Variants in PCDHA6 observed in about 807,000 individuals in gnomAD.
PCDHA6 encodes the protein protocadherin alpha-6.
PCDHA6 carries 55 observed loss-of-function variants against 60.3 expected under a neutral mutation model. That is an observed-to-expected ratio of 0.91 (90% CI 0.73 to 1.14). The LOEUF (loss-of-function observed/expected upper bound fraction) is 1.14. PCDHA6 is among the 50% of genes most tolerant of loss of function. The probability of loss-of-function intolerance (pLI) is 0.00; values close to 1 mark genes in which losing one functional copy is unlikely to be tolerated. For missense variants in PCDHA6, 1,327 were observed against 1,256.5 expected, an observed-to-expected ratio of 1.06 and a Z score of -0.85; for synonymous variants, 652 against 557.9, an observed-to-expected ratio of 1.17 and a Z score of -2.38.
At chr5:140,981,977 G>A (rs1321410399) in intron 2 of PCDHA6, among the ~76,000 whole-genome samples, 1 of 152,128 alleles carries the variant, frequency 6.6e-6, no homozygotes, top group African/African-American at 2.4e-5. Context: ...TATAGAAAGA[G>A]TAAAATAGAA....
chr5:140,832,938 T>C (rs1176338223), intron 1 of PCDHA6, among the ~76,000 whole-genome samples: 1 of 152,010 alleles, frequency 6.6e-6, no homozygotes, highest in Non-Finnish European at 1.5e-5. Context: ...GAGAAGAGAG[T>C]AACTTAAGTG....
intron 1 of PCDHA6, among the ~76,000 whole-genome samples, chr5:140,890,076 C>G (rs2062479072): frequency 6.6e-6 from 1 of 152,150 alleles, no homozygotes. Flanking sequence ...CTTATGAGAA[C>G]TGATAATGCA....
chr5:140,836,231 C>T, intron 1 of PCDHA6: 3 of 1,613,742 alleles, frequency 1.9e-6, no homozygotes, highest in East Asian at 2.2e-5. Flanking sequence ...CGGTGGCGGC[C>T]GGTGCGAGCA....
At chr5:140,945,641 C>T (rs1253716354) in intron 1 of PCDHA6, among the ~76,000 whole-genome samples, 3 of 151,972 alleles carry the variant, frequency 2.0e-5, no homozygotes, top group Non-Finnish European at 2.9e-5. Context: ...GACATGTAGA[C>T]CAATGGAGCA....
intron 1 of PCDHA6, among the ~76,000 whole-genome samples, chr5:140,947,404 T>G (rs1305199507): frequency 6.6e-6 from 1 of 151,736 alleles, no homozygotes; most frequent in Non-Finnish European, 1.5e-5. Flanking sequence ...GTAGACTGTC[T>G]TGATATTGTA....
chr5:140,911,055 G>A lies in PCDHA6; in HGVS notation c.2395-67894G>A, dbSNP rs576580251. The stretch of plus-strand genomic sequence containing the variant: ...CTAGAAGCAAACAGGGGTGGTGGGG[G>A]GTGGGTCCTGAGGAGAATCAACATT... On this transcript the variant is annotated intron_variant, in intron 1 of 3. Transcript: ENST00000529310. 5.3e-5 allele frequency among the ~76,000 whole-genome samples: 8 copies of A among 152,158 alleles called. 1 individual carries two copies. The highest frequency in any genetic ancestry group is 5.2e-4 in the Admixed American group (8 of 15,266).
intron 1 of PCDHA6, chr5:140,883,589 G>A (rs782300348): frequency 1.9e-6 from 3 of 1,614,014 alleles, no homozygotes; most frequent in East Asian, 2.2e-5. Context: ...CACGGCCAGC[G>A]TGTCGGTGGG....
rs2150159455 is a variant in PCDHA6 at position 140,828,832 on chromosome 5, C to T, written c.741C>T (p.Tyr247=). 5 of 1,614,118 alleles carry T rather than the reference C, an allele frequency of 3.1e-6. No individual in the cohort carries two copies. The African/African-American group carries it at 5.3e-5, about 17-fold the overall frequency. The part of the protein sequence containing the change: ...DNAPTFEQSE[Y]EVRIFENADN... ...CTCCCACTTTCGAACAGTCTGAATACGAAGTAAGAATATTCGAAAATGCAG... is the reference window on the plus strand; with the variant it reads ...CTCCCACTTTCGAACAGTCTGAATATGAAGTAAGAATATTCGAAAATGCAG... Residue 247 remains tyrosine (Y), a synonymous_variant, in exon 1 of 4, where the codon TAC becomes TAT. Transcript: ENST00000529310.
chr5:140,928,940 A>G (rs2085663832), intron 1 of PCDHA6: 1 of 1,613,944 alleles, frequency 6.2e-7, no homozygotes. Flanking sequence ...CAGAACTTGT[A>G]TTTAGTAATT....
intron 1 of PCDHA6, chr5:140,835,447 T>C (rs2150235866): frequency 2.5e-6 from 4 of 1,613,910 alleles, no homozygotes; most frequent in East Asian, 2.2e-5. Context: ...CTCACTTCCC[T>C]GTCTCTCCCT....
intron 1 of PCDHA6, chr5:140,929,570 A>G (rs1563117537): frequency 2.2e-6 from 1 of 458,222 alleles, no homozygotes; most frequent in South Asian, 1.1e-4. Flanking sequence ...TAAGAACAAT[A>G]AAAGTAATAT....
At chr5:140,890,854 T>C (rs1320462436) in intron 1 of PCDHA6, among the ~76,000 whole-genome samples, 1 of 152,232 alleles carries the variant, frequency 6.6e-6, no homozygotes, top group African/African-American at 2.4e-5. Context: ...TTTCTCTTCC[T>C]TACTTCTTGC....
chr5:140,833,326 A>G (rs1772407379), intron 1 of PCDHA6, among the ~76,000 whole-genome samples: 1 of 152,216 alleles, frequency 6.6e-6, no homozygotes, highest in Non-Finnish European at 1.5e-5. Flanking sequence ...GCCATTGGGA[A>G]CATTGGAGTG....
At chr5:140,972,660 A>ATTTTTTTT (rs11350929) in intron 1 of PCDHA6, among the ~76,000 whole-genome samples, 1 of 117,268 alleles carries the variant, frequency 8.5e-6, no homozygotes, top group Non-Finnish European at 1.7e-5. Context: ...AAGAAACCAA[A>ATTTTTTTT]TTTTTTTTTT....
rs546684407 is a variant in PCDHA6 at position 140,870,806 on chromosome 5, A to G, written c.2394+40321A>G. 6.2e-6 allele frequency: 10 copies of G among 1,613,688 alleles called. No individual in the cohort carries two copies. In the Admixed American group the frequency reaches 1.7e-4, roughly 27 times the overall value. ...AACGCGCCGGCACTGCTGGCGACTC[A>G]GGCTGGCAGCGCGGGAGGCGCAGTT... is the stretch of plus-strand genomic sequence containing the variant. On this transcript the variant is annotated intron_variant, in intron 1 of 3. Transcript: ENST00000529310.
intron 1 of PCDHA6, chr5:140,836,111 A>C: frequency 1.2e-6 from 2 of 1,613,698 alleles, no homozygotes; most frequent in South Asian, 2.2e-5. Flanking sequence ...CTGGTGGCGC[A>C]GTGAGAGAGC....
intron 3 of PCDHA6, among the ~76,000 whole-genome samples, chr5:141,000,395 CTATATA>C (rs1190667031): frequency 5.7e-4 from 31 of 53,962 alleles, no homozygotes; most frequent in Admixed American, 2.5e-3. Flanking sequence ...CTCTCTCTCT[CTATATA>C]TATATATATA....
rs781865422 is a variant in PCDHA6, at chr5:140,871,237, C to T, written c.2394+40752C>T. 26 of 1,613,866 alleles carry T rather than the reference C, an allele frequency of 1.6e-5. 1 individual carries two copies. In the South Asian group the frequency reaches 2.3e-4, roughly 14 times the overall value. The stretch of plus-strand genomic sequence containing the variant: ...CTGCGTGGTGTCCAGCCTCCTGGTA[C>T]TCACGCTGCTGCTGTATACGGCGCT... On this transcript the variant is annotated intron_variant, in intron 1 of 3. Coordinates refer to ENST00000529310, the MANE Select transcript of PCDHA6 (RefSeq NM_018909.4).
chr5:140,978,860 A>G, intron 1 of PCDHA6, 89 bp from the exon 2 acceptor site: 1 of 1,598,356 alleles, frequency 6.3e-7, no homozygotes, highest in African/African-American at 1.3e-5. Context: ...GCCTGGAAAT[A>G]TTTAAGGGAG....
Sources: allele counts gnomAD v4.1 joint callset (sites outside exome capture counted in the v4.1 genomes callset), GRCh38; gene constraint gnomAD v4.1.1; transcripts MANE v1.5; gene names NCBI Gene and HGNC (gene_info 2026-07-23, HGNC 2026-07-21).